Variants in PTPRD observed in about 807,000 individuals in gnomAD.
PTPRD encodes protein tyrosine phosphatase receptor type D.
In PTPRD, 34 loss-of-function variants were observed where a neutral mutation model predicts 214.5. That is an observed-to-expected ratio of 0.16 (90% confidence interval 0.12 to 0.21). PTPRD has a LOEUF of 0.21. PTPRD is among the 10% of genes least tolerant of loss of function. PTPRD has a pLI of 1.00. For synonymous variants in PTPRD, 1,128 were observed against 845.7 expected (o/e 1.33, Z -5.79); for missense variants, 2,545 against 2,398.7 (o/e 1.06, Z -1.27).
intron 3 of PTPRD, among the ~76,000 whole-genome samples, chr9:10,299,263 C>A (rs1041214398): frequency 6.6e-6 from 1 of 151,976 alleles, no homozygotes; most frequent in Non-Finnish European, 1.5e-5. Context: ...TTATTAACTG[C>A]AGAATATTTT....
chr9:9,240,292 C>T (rs1244317791), intron 9 of PTPRD, among the ~76,000 whole-genome samples: 1 of 152,130 alleles, frequency 6.6e-6, no homozygotes, highest in Non-Finnish European at 1.5e-5. Context: ...AATTACTAGT[C>T]ATTGGTTTAA....
intron 7 of PTPRD, among the ~76,000 whole-genome samples, chr9:9,724,226 T>C (rs965948638): frequency 6.6e-6 from 1 of 152,174 alleles, no homozygotes; most frequent in Non-Finnish European, 1.5e-5. Context: ...TGTTTCAATG[T>C]ACCTGTTCTT....
intron 6 of PTPRD, among the ~76,000 whole-genome samples, chr9:9,749,625 C>A (rs1475905992): frequency 6.6e-6 from 1 of 151,986 alleles, no homozygotes; most frequent in Non-Finnish European, 1.5e-5. Flanking sequence ...ATGTACACAC[C>A]ACAGGGTCAG....
At position 8,685,272 on chromosome 9, in the gene PTPRD, G is replaced by A. The variant is rs531160595; in HGVS notation, c.65-48428C>T. 2.0e-5 allele frequency among the ~76,000 whole-genome samples: 3 copies of A among 151,108 alleles called. No individual in the cohort carries two copies. In the South Asian group the frequency reaches 6.3e-4, roughly 32 times the overall value. ...TGTAGAAAGCAGAAAAAAAAAAAAG[G>A]TACATTATATTTGGCGTGAGAGTAG... On this transcript the variant is annotated intron_variant, in intron 12 of 45. Transcript: ENST00000381196.
At chr9:10,577,720 A>T (rs2069949387) in intron 2 of PTPRD, among the ~76,000 whole-genome samples, 1 of 152,216 alleles carries the variant, frequency 6.6e-6, no homozygotes, top group Non-Finnish European at 1.5e-5. Flanking sequence ...CTATAAATTA[A>T]AAATCAACAT....
At chr9:8,926,602 G>A (rs2098895945) in intron 11 of PTPRD, among the ~76,000 whole-genome samples, 1 of 152,140 alleles carries the variant, frequency 6.6e-6, no homozygotes, top group African/African-American at 2.4e-5. Context: ...GAAAGGCTGG[G>A]ACTGTATGTT....
At chr9:8,674,155 A>T (rs937620289) in intron 12 of PTPRD, among the ~76,000 whole-genome samples, 1 of 152,178 alleles carries the variant, frequency 6.6e-6, no homozygotes, top group Non-Finnish European at 1.5e-5. Flanking sequence ...AATTATTTTG[A>T]ATGTGCAATT....
rs143278309 is a variant in PTPRD at position 9,085,244 on chromosome 9, C to G, written c.-142-66509G>C. On this transcript the variant is annotated intron_variant, in intron 10 of 45. Coordinates refer to ENST00000381196, the MANE Select transcript of PTPRD (RefSeq NM_002839.4). ...GAAAGATAGACACAAGAACATATCA[C>G]CTTTTAATTATTTTATAACTACCTA... Among the ~76,000 whole-genome samples, 1,456 of 152,130 alleles carry G rather than the reference C, an allele frequency of 9.6e-3. 18 individuals carry two copies. Among genetic ancestry groups the G allele is most frequent in the African/African-American group, 0.024 (986 of 41,500 alleles).
chr9:9,427,793 T>C (rs1035225888), intron 8 of PTPRD, among the ~76,000 whole-genome samples: 1 of 152,154 alleles, frequency 6.6e-6, no homozygotes, highest in African/African-American at 2.4e-5. Context: ...CAACCCAGAA[T>C]TTCATATCCA....
At chr9:9,779,424 G>C (rs2098825972) in intron 5 of PTPRD, among the ~76,000 whole-genome samples, 1 of 152,106 alleles carries the variant, frequency 6.6e-6, no homozygotes, top group Non-Finnish European at 1.5e-5. Flanking sequence ...ACAACATGCA[G>C]AATGGGAGGA....
chr9:10,215,579 A>T (rs2099537438), intron 3 of PTPRD, among the ~76,000 whole-genome samples: 1 of 152,082 alleles, frequency 6.6e-6, no homozygotes, highest in African/African-American at 2.4e-5. Flanking sequence ...ACTTGGGAAA[A>T]TAATTTGATA....
intron 12 of PTPRD, among the ~76,000 whole-genome samples, chr9:8,696,778 G>C (rs1331511183): frequency 6.6e-6 from 1 of 152,168 alleles, no homozygotes; most frequent in Non-Finnish European, 1.5e-5. Context: ...TTCATTCCAA[G>C]TTAAATTGAT....
chr9:10,076,556 C>G (rs1488715585), intron 3 of PTPRD, among the ~76,000 whole-genome samples: 1 of 152,028 alleles, frequency 6.6e-6, no homozygotes, highest in Non-Finnish European at 1.5e-5. Context: ...AAGCCTTAAC[C>G]TCACTGTTTG....
Position 9,512,159 on chromosome 9 carries a change from T to A in PTPRD, c.-237+62573A>T, listed in dbSNP as rs995891799. Among the ~76,000 whole-genome samples the A allele has an allele frequency of 3.9e-5, 6 of 151,904 alleles. No homozygotes were observed. The East Asian group carries it at 7.8e-4, about 20-fold the overall frequency. ...GACTTGTTGAACTCATGATCTCTCT[T>A]ATTCAAAGAGACCCAACAGTGTCTA... On this transcript the variant is annotated intron_variant, in intron 8 of 45. Coordinates refer to ENST00000381196, the MANE Select transcript of PTPRD (RefSeq NM_002839.4).
At chr9:10,269,516 AT>A (rs1412880707) in intron 3 of PTPRD, among the ~76,000 whole-genome samples, 2 of 152,154 alleles carry the variant, frequency 1.3e-5, no homozygotes, top group African/African-American at 2.4e-5. Flanking sequence ...AAACCCTTTG[AT>A]TTCTAAGAAA....
intron 6 of PTPRD, among the ~76,000 whole-genome samples, chr9:9,759,778 C>G (rs2098634938): frequency 6.6e-6 from 1 of 151,878 alleles, no homozygotes; most frequent in Non-Finnish European, 1.5e-5. Flanking sequence ...AGGCTGGTCT[C>G]AAACTCCTCA....
At chr9:10,016,653 G>T (rs1200698216) in intron 4 of PTPRD, among the ~76,000 whole-genome samples, 1 of 148,822 alleles carries the variant, frequency 6.7e-6, no homozygotes, top group Admixed American at 6.8e-5. Context: ...AAATACTACT[G>T]AAAATGCCTC....
chr9:8,919,764 T>C (rs763431216), intron 11 of PTPRD, among the ~76,000 whole-genome samples: 6 of 151,170 alleles, frequency 4.0e-5, no homozygotes, highest in Non-Finnish European at 7.4e-5. Context: ...CATGCATGCA[T>C]CCATGTATAT....
chr9:8,893,519 C>T (rs997273605), intron 11 of PTPRD, among the ~76,000 whole-genome samples: 50 of 152,212 alleles, frequency 3.3e-4, no homozygotes, highest in African/African-American at 8.9e-4. Context: ...CCCAACAATC[C>T]GCAAGCAAAC....
Sources: gnomAD v4.1 joint callset for allele counts (sites outside exome capture counted in the v4.1 genomes callset) on GRCh38, gnomAD v4.1.1 for gene constraint, MANE v1.5 for transcripts, NCBI Gene and HGNC (gene_info 2026-07-23, HGNC 2026-07-21) for gene names.